Variants in BABAM2 observed in about 807,000 individuals in gnomAD.
BABAM2 encodes BRISC and BRCA1-A complex member 2.
In BABAM2, 31 loss-of-function variants were observed where a neutral mutation model predicts 54.7. That is an observed-to-expected ratio of 0.57 (90% CI 0.43 to 0.77). The LOEUF (loss-of-function observed/expected upper bound fraction) is 0.77, where lower values mean the gene tolerates loss of function less well. Among genes scored for constraint, BABAM2 ranks in the 30% least tolerant of loss-of-function variants. The probability of loss-of-function intolerance (pLI) is 0.00; values close to 1 mark genes in which losing one functional copy is unlikely to be tolerated. For missense variants in BABAM2, 364 were observed against 455.8 expected (o/e 0.80, Z 1.83); for synonymous variants, 167 against 162.9 (o/e 1.03, Z -0.19).
intron 10 of BABAM2, among the ~76,000 whole-genome samples, chr2:28,246,534 G>A (rs776032420): frequency 6.6e-5 from 10 of 152,100 alleles, no homozygotes; most frequent in African/African-American, 1.9e-4. Flanking sequence ...TGGTGGTGAC[G>A]GCCTCGTGCC....
At chr2:28,194,499 ATTAC>A (rs1434470484) in intron 7 of BABAM2, among the ~76,000 whole-genome samples, 8 of 150,542 alleles carry the variant, frequency 5.3e-5, no homozygotes, top group Non-Finnish European at 1.2e-4. Flanking sequence ...AACAGTGACT[ATTAC>A]TTATAAATAG....
chr2:28,087,106 C>A (rs1198841198), intron 6 of BABAM2, among the ~76,000 whole-genome samples: 1 of 152,178 alleles, frequency 6.6e-6, no homozygotes, highest in African/African-American at 2.4e-5. Flanking sequence ...GAGAGATCTT[C>A]AAATGCCAGC....
At chr2:27,933,022 GA>G (rs1668211768) in intron 3 of BABAM2, among the ~76,000 whole-genome samples, 1 of 152,176 alleles carries the variant, frequency 6.6e-6, no homozygotes, top group African/African-American at 2.4e-5. Context: ...TCTTAGAGAA[GA>G]AATGAGTGTG....
chr2:28,059,109 TTATTTA>T (rs1382433553), intron 6 of BABAM2, among the ~76,000 whole-genome samples: 3 of 152,218 alleles, frequency 2.0e-5, no homozygotes. Context: ...CTTTTTATTT[TTATTTA>T]TAAATACATT....
chr2:28,308,241 G>A, intron 11 of BABAM2: 1 of 392,290 alleles, frequency 2.5e-6, no homozygotes, highest in South Asian at 2.2e-5. Flanking sequence ...GGAAGGCAGT[G>A]CTTAAAGGTG....
intron 7 of BABAM2, among the ~76,000 whole-genome samples, chr2:28,222,288 G>T (rs1680485718): frequency 6.6e-6 from 1 of 152,140 alleles, no homozygotes; most frequent in Non-Finnish European, 1.5e-5. Context: ...TAGATTGATG[G>T]AGAGCCCAAC....
chr2:28,194,484 A>G (rs1276206685), intron 7 of BABAM2, among the ~76,000 whole-genome samples: 1 of 152,094 alleles, frequency 6.6e-6, no homozygotes, highest in Admixed American at 6.5e-5. Context: ...AAACCTCTCC[A>G]AATAAACAGT....
chr2:28,247,461 T>G (rs574484430), intron 10 of BABAM2, among the ~76,000 whole-genome samples: 1 of 152,362 alleles, frequency 6.6e-6, no homozygotes, highest in East Asian at 1.9e-4. Context: ...ATCTGCTGGC[T>G]TGGTTACAAT....
chr2:28,334,484 G>A (rs1572439409), intron 11 of BABAM2, among the ~76,000 whole-genome samples: 1 of 152,240 alleles, frequency 6.6e-6, no homozygotes, highest in South Asian at 2.1e-4. Flanking sequence ...GTAGCTGTAA[G>A]GTCAGGGAAG....
intron 6 of BABAM2, among the ~76,000 whole-genome samples, chr2:28,119,322 T>A (rs1276363725): frequency 6.6e-6 from 1 of 152,166 alleles, no homozygotes; most frequent in African/African-American, 2.4e-5. Context: ...AGTAGAGAAG[T>A]TGGCAGAAGC....
At chr2:28,254,517 A>AG (rs1423854499) in intron 10 of BABAM2, among the ~76,000 whole-genome samples, 1 of 148,582 alleles carries the variant, frequency 6.7e-6, no homozygotes. Flanking sequence ...CTGTTAATTA[A>AG]AAAAAAAAAA....
At chr2:27,969,291 A>T (rs910134729) in intron 3 of BABAM2, among the ~76,000 whole-genome samples, 1 of 152,118 alleles carries the variant, frequency 6.6e-6, no homozygotes, top group African/African-American at 2.4e-5. Context: ...GTATGTCTTT[A>T]TCAGCAGCAT....
intron 6 of BABAM2, among the ~76,000 whole-genome samples, 156 bp downstream of exon 6, chr2:28,045,955 G>A (rs1506533): frequency 0.99 from 150,848 of 152,340 alleles, 74,709 homozygotes; most frequent in Middle Eastern, 1. Flanking sequence ...CTGTTTTGCT[G>A]CCTAAAAGCT....
At chr2:27,972,773 C>CTTTTTT (rs11383917) in intron 3 of BABAM2, among the ~76,000 whole-genome samples, 1 of 138,438 alleles carries the variant, frequency 7.2e-6, no homozygotes, top group Non-Finnish European at 1.5e-5. Flanking sequence ...TAATTATTAG[C>CTTTTTT]TTTTTTTTTT....
intron 3 of BABAM2, among the ~76,000 whole-genome samples, chr2:27,963,975 A>G (rs1276343242): frequency 6.6e-6 from 1 of 152,184 alleles, no homozygotes; most frequent in East Asian, 1.9e-4. Context: ...AGTAAAGTCC[A>G]TTGCTATGGT....
At chr2:28,127,121 T>G (rs911754950) in intron 6 of BABAM2, among the ~76,000 whole-genome samples, 2 of 152,218 alleles carry the variant, frequency 1.3e-5, no homozygotes, top group African/African-American at 4.8e-5. Flanking sequence ...TTTCTTTTGC[T>G]GTGCAGAAGC....
intron 2 of BABAM2, among the ~76,000 whole-genome samples, chr2:27,915,308 C>T (rs1427504540): frequency 1.3e-5 from 2 of 152,102 alleles, no homozygotes; most frequent in Non-Finnish European, 1.5e-5. Flanking sequence ...GCAATTTGTA[C>T]TTTTGAATAC....
chr2:28,311,382 T>C (rs1489177283), intron 11 of BABAM2, among the ~76,000 whole-genome samples: 1 of 151,886 alleles, frequency 6.6e-6, no homozygotes, highest in Non-Finnish European at 1.5e-5. Flanking sequence ...TGAGTTAGGG[T>C]CACGTATTCT....
intron 4 of BABAM2, chr2:28,016,486 G>T: frequency 9.2e-7 from 1 of 1,091,868 alleles, no homozygotes; most frequent in Non-Finnish European, 1.4e-6. Context: ...TGCCCATGGT[G>T]CTGGGCTGAG....
Sources: gnomAD v4.1 joint callset for allele counts (sites outside exome capture counted in the v4.1 genomes callset) on GRCh38, gnomAD v4.1.1 for gene constraint, MANE v1.5 for transcripts, NCBI Gene and HGNC (gene_info 2026-07-23, HGNC 2026-07-21) for gene names.